Variants in MBD3 observed in about 807,000 individuals in gnomAD.
MBD3 encodes methyl-CpG binding domain protein 3.
A neutral mutation model predicts 31.2 loss-of-function variants in MBD3; 13 were observed. The observed-to-expected ratio is 0.42, with a 90% confidence interval of 0.27 to 0.66. The LOEUF is 0.66. Among genes scored for constraint, MBD3 ranks in the 30% least tolerant of loss-of-function variants. The probability of loss-of-function intolerance (pLI) is 0.26; values close to 1 mark genes in which losing one functional copy is unlikely to be tolerated. For missense variants in MBD3, 440 were observed against 426.5 expected, an observed-to-expected ratio of 1.03 and a Z score of -0.28; for synonymous variants, 223 against 187.4, an observed-to-expected ratio of 1.19 and a Z score of -1.55.
rs763211496 is a variant in MBD3, at chr19:1,581,289, C to T, written c.500-20G>A. The T allele has an allele frequency of 1.9e-6, 3 of 1,601,620 alleles. 1 individual carries two copies. In the South Asian group the frequency reaches 3.3e-5, roughly 18 times the overall value. On this transcript the variant is annotated intron_variant, in intron 4 of 6. Coordinates refer to ENST00000434436, the MANE Select transcript of MBD3 (RefSeq NM_001281453.2). ...CCACCCCTGCCAGGCAGTGGACAAACAGCCGCAAGTGGAGAGGTCACCACG... is the reference window on the plus strand; with the variant it reads ...CCACCCCTGCCAGGCAGTGGACAAATAGCCGCAAGTGGAGAGGTCACCACG...
intron 5 of MBD3, among the ~76,000 whole-genome samples, chr19:1,579,715 G>C (rs1348952170): frequency 6.6e-6 from 1 of 152,004 alleles, no homozygotes; most frequent in Non-Finnish European, 1.5e-5. Context: ...TTCCAGACAG[G>C]ACCCTACCTC....
Position 1,578,606 on chromosome 19 carries a change from G to C in MBD3, c.678-68C>G. 6.2e-7 allele frequency: 1 copy of C among 1,603,414 alleles called. No homozygotes were observed. The highest frequency in any genetic ancestry group is 8.5e-7 in the Non-Finnish European group (1 of 1,179,828). On this transcript the variant is annotated intron_variant, in intron 5 of 6. Coordinates refer to ENST00000434436, the MANE Select transcript of MBD3 (RefSeq NM_001281453.2). This position sits in a 1 kb window ranked among gnomAD's most constrained non-coding sequence, Gnocchi z 6.1. Reference sequence around the variant, plus strand: ...AGCAGGACATGGACACAGGATGAACGTGGGGACCTCAGCTGGGAGGGGAGG... The same window carrying C: ...AGCAGGACATGGACACAGGATGAACCTGGGGACCTCAGCTGGGAGGGGAGG...
In MBD3 at chr19:1,578,736, C is replaced by A. The variant is rs1020453978; in HGVS notation, c.678-198G>T. On this transcript the variant is annotated intron_variant, in intron 5 of 6. Coordinates refer to ENST00000434436, the MANE Select transcript of MBD3 (RefSeq NM_001281453.2). The surrounding 1 kb of genome is among the most constrained non-coding windows in gnomAD (Gnocchi z 6.1). Reference sequence around the variant, plus strand: ...ACCGGCTGCCGCTGGCCATCGCCAGCGTCCGCCACCCTCCCAGATGGCCCC... The same window carrying A: ...ACCGGCTGCCGCTGGCCATCGCCAGAGTCCGCCACCCTCCCAGATGGCCCC... Among the ~76,000 whole-genome samples the A allele has an allele frequency of 1.3e-5, 2 of 152,168 alleles. No homozygotes were observed. Among genetic ancestry groups the A allele is most frequent in the African/African-American group, 2.4e-5 (1 of 41,458 alleles).
chr19:1,584,733 T>C, intron 2 of MBD3, 56 bp from the exon 3 acceptor site: 2 of 1,571,550 alleles, frequency 1.3e-6, no homozygotes, highest in Non-Finnish European at 1.7e-6. Context: ...GCGCGGAGCC[T>C]CAGGGGGTGC....
chr19:1,584,974 G>A, intron 2 of MBD3, 81 bp downstream of exon 2: 1 of 1,572,402 alleles, frequency 6.4e-7, no homozygotes, highest in Admixed American at 1.7e-5. Context: ...GCCGGGCTGT[G>A]TCGCCTGCAG....
At position 1,575,411 on chromosome 19, in the gene MBD3, T is replaced by TAAAAA; in HGVS notation, c.*2748_*2752dup. ...GCGAAAGAAGAGCGAAACTCTTGTC[T>TAAAAA]AAAAAAAAAAAAAGTCCCAGAAGGT... On this transcript the variant is annotated 3_prime_UTR_variant, in exon 7 of 7. Coordinates refer to ENST00000434436, the MANE Select transcript of MBD3 (RefSeq NM_001281453.2). 1 of 268,286 alleles carries TAAAAA rather than the reference T, an allele frequency of 3.7e-6. No individual in the cohort carries two copies. Among genetic ancestry groups the TAAAAA allele is most frequent in the Non-Finnish European group, 7.6e-6 (1 of 131,750 alleles). The allele number at this position is 268,286 out of a possible 1,614,324, so 16.6% of individuals were successfully genotyped here.
At chr19:1,580,973 T>A in intron 5 of MBD3, 119 bp downstream of exon 5, 2 of 1,331,814 alleles carry the variant, frequency 1.5e-6, no homozygotes, top group East Asian at 4.9e-5. Context: ...CTGTTTCTGT[T>A]TCAAAACCCC....
chr19:1,590,699 G>C (rs577342908), intron 1 of MBD3, among the ~76,000 whole-genome samples: 14 of 152,198 alleles, frequency 9.2e-5, no homozygotes, highest in African/African-American at 1.4e-4. Flanking sequence ...GACACAAAAT[G>C]ATGTCCCTGA....
rs1456234515 is a variant in MBD3 at position 1,577,952 on chromosome 19, C to T, written c.*212G>A. 6 of 351,594 alleles carry T rather than the reference C, an allele frequency of 1.7e-5. No homozygotes were observed. The highest frequency in any genetic ancestry group is 7.1e-5 in the East Asian group (1 of 14,002). 21.8% of individuals were successfully genotyped at this position (351,594 alleles called of 1,614,324 possible). On this transcript the variant is annotated 3_prime_UTR_variant, in exon 7 of 7. Transcript: ENST00000434436. ...GAAGCCGGACTCTGTAGAGGACGAGCGTGGAGGGTCTTTCGGGTGGGGGCA... is the reference window on the plus strand; with the variant it reads ...GAAGCCGGACTCTGTAGAGGACGAGTGTGGAGGGTCTTTCGGGTGGGGGCA...
intron 3 of MBD3, among the ~76,000 whole-genome samples, chr19:1,583,842 G>A (rs549701707): frequency 6.6e-6 from 1 of 152,210 alleles, no homozygotes; most frequent in East Asian, 1.9e-4. Flanking sequence ...TTATTTTTGA[G>A]ACCGGGTCTC....
chr19:1,592,517 T>G lies in MBD3; in HGVS notation c.110+5A>C. On this transcript the variant is annotated splice_donor_5th_base_variant and intron_variant, in intron 1 of 6. Transcript: ENST00000434436. ...AGGCCCTGCGCGGCCGGCGCGCTCA[T>G]TCACCTATAGTAAAAGACATCCCTG... 7.2e-7 allele frequency: 1 copy of G among 1,396,326 alleles called. No homozygotes were observed. Among genetic ancestry groups the G allele is most frequent in the Non-Finnish European group, 9.6e-7 (1 of 1,046,706 alleles). 86.5% of individuals were successfully genotyped at this position (1,396,326 alleles called of 1,614,324 possible).
Position 1,584,593 on chromosome 19 carries a change from G to A in MBD3, c.355C>T (p.Pro119Ser). The change falls in exon 3 of 7, where the codon CCC becomes TCC. Residue 119 changes from proline to serine, a missense_variant. Around this residue, in one of 3 missense-constraint regions of MBD3, gnomAD observed 144 missense variants for 196.9 expected, o/e 0.73. Coordinates refer to ENST00000434436, the MANE Select transcript of MBD3 (RefSeq NM_001281453.2). The stretch of plus-strand genomic sequence containing the variant: ...GGGTCGCTCTTGACCTTGTTGCTGG[G>A]GTGGTTGGTAATCTTGGTCACCGGC... ...KQPVTKITNH[P>S]SNKVKSDPQK... The A allele has an allele frequency of 1.2e-6, 2 of 1,613,998 alleles. No individual in the cohort carries two copies. The highest frequency in any genetic ancestry group is 1.7e-6 in the Non-Finnish European group (2 of 1,179,964).
At chr19:1,581,624 G>A (rs1917356079) in intron 4 of MBD3, 1 of 372,014 alleles carries the variant, frequency 2.7e-6, no homozygotes, top group Non-Finnish European at 5.2e-6. Context: ...GCATACCTGT[G>A]GTCCCAGCTA....
rs371220154 is a variant in MBD3 at position 1,578,372 on chromosome 19, G to GCTC, written c.841_843dup (p.Glu281dup). ...TGCTCCATCTCCGGGTCCGGGTCGG[G>GCTC]CTCCTCCTCCTCCTCCTCCTCGTCT... On this transcript the variant is annotated inframe_insertion, in exon 6 of 7. Coordinates refer to ENST00000434436, the MANE Select transcript of MBD3 (RefSeq NM_001281453.2). The surrounding 1 kb of genome is among the most constrained non-coding windows in gnomAD (Gnocchi z 6.1). 3.9e-4 allele frequency: 626 copies of GCTC among 1,601,024 alleles called. No homozygotes were observed. Among genetic ancestry groups the GCTC allele is most frequent in the East Asian group, 2.2e-3 (99 of 44,684 alleles).
At position 1,580,053 on chromosome 19, in the gene MBD3, C is replaced by T. The variant is rs1185144973; in HGVS notation, c.677+1039G>A. Among the ~76,000 whole-genome samples the T allele has an allele frequency of 3.9e-5, 6 of 152,350 alleles. No homozygotes were observed. The East Asian group carries it at 9.6e-4, about 24-fold the overall frequency. On this transcript the variant is annotated intron_variant, in intron 5 of 6. Coordinates refer to ENST00000434436, the MANE Select transcript of MBD3 (RefSeq NM_001281453.2). ...GATTACAGGCGTCAGCCACTGTGCC[C>T]GGCCTTATTTCTGCAAGTTCTGCAG...
chr19:1,589,551 T>C (rs1395287318), intron 1 of MBD3, among the ~76,000 whole-genome samples: 1 of 147,494 alleles, frequency 6.8e-6, no homozygotes, highest in Non-Finnish European at 1.5e-5. Context: ...TACTCAGGAG[T>C]CTGAGGCAGG....
chr19:1,582,560 C>A, intron 4 of MBD3, 62 bp downstream of exon 4: 1 of 1,508,778 alleles, frequency 6.6e-7, no homozygotes, highest in East Asian at 2.3e-5. Flanking sequence ...ATGAGGGCAC[C>A]TGCAGCACCT....
Position 1,574,607 on chromosome 19 carries a change from T to G in MBD3, c.*3557A>C, listed in dbSNP as rs761217776. ...TGTTCGTTCATCCCTGGATGGGCAC[T>G]TGACTTGTTTACACTTTTTGGACCC... On this transcript the variant is annotated 3_prime_UTR_variant, in exon 7 of 7. Transcript: ENST00000434436. 1 of 152,798 alleles carries G rather than the reference T, an allele frequency of 6.5e-6. No individual in the cohort carries two copies. The highest frequency in any genetic ancestry group is 2.4e-5 in the African/African-American group (1 of 41,438). The allele number at this position is 152,798 out of a possible 1,614,324, so 9.5% of individuals were successfully genotyped here.
chr19:1,582,582 G>A (rs759949078), intron 4 of MBD3, 40 bp downstream of exon 4: 34 of 1,590,578 alleles, frequency 2.1e-5, no homozygotes, highest in Admixed American at 1.9e-4. Flanking sequence ...CACCCCACCC[G>A]GCACATCCCC....
Sources: gnomAD v4.1 joint callset for allele counts (sites outside exome capture counted in the v4.1 genomes callset) on GRCh38, gnomAD v4.1.1 for gene constraint, gnomAD v4.1.1 regional missense constraint, Gnocchi (gnomAD v3.1) non-coding constraint, MANE v1.5 for transcripts, NCBI Gene and HGNC (gene_info 2026-07-23, HGNC 2026-07-21) for gene names.